Variants in RIMS2 observed in about 807,000 individuals in gnomAD.
The protein encoded by RIMS2 is regulating synaptic membrane exocytosis 2, also known as regulating synaptic membrane exocytosis protein 2.
Under a neutral mutation model 174.4 loss-of-function variants are expected in RIMS2, and 59 were observed. The ratio of observed to expected loss-of-function variants is 0.34; its 90% CI spans 0.27 to 0.42. RIMS2 has a LOEUF of 0.42. Among genes scored for constraint, RIMS2 ranks in the 10% least tolerant of loss-of-function variants. The probability of loss-of-function intolerance (pLI) is 1.00; values close to 1 mark genes in which losing one functional copy is unlikely to be tolerated. For missense variants in RIMS2, 1,620 were observed against 1,666.3 expected, an observed-to-expected ratio of 0.97 and a Z score of 0.48; for synonymous variants, 606 against 572.5, an observed-to-expected ratio of 1.06 and a Z score of -0.84.
chr8:104,253,892 G>T (rs1426499178), downstream of RIMS2: 3 of 151,958 alleles, frequency 2.0e-5, no homozygotes, highest in Non-Finnish European at 4.4e-5. Context: ...CTTTTTATGT[G>T]GTGCAATATG....
chr8:104,108,501 C>T lies in RIMS2; in HGVS notation c.3334+93886C>T, dbSNP rs559485837. On this transcript the variant is annotated intron_variant, in intron 19 of 23. Transcript: ENST00000504942. ...TTTCTGTAGAGATGGGATTTTGCTG[C>T]GTGCCCAGGCTGGTCTCAAACTCCT... is the stretch of plus-strand genomic sequence containing the variant. 1.4e-4 allele frequency among the ~76,000 whole-genome samples: 21 copies of T among 151,938 alleles called. No homozygotes were observed. In the East Asian group the frequency reaches 2.3e-3, roughly 17 times the overall value.
Position 103,989,299 on chromosome 8 carries a change from T to C in RIMS2, c.2928-6T>C. The C allele has an allele frequency of 6.5e-7, 1 of 1,535,942 alleles. No individual in the cohort carries two copies. Among genetic ancestry groups the C allele is most frequent in the Non-Finnish European group, 9.0e-7 (1 of 1,109,802 alleles). ...CTAAGATATTGAATAGATCTTGTTG[T>C]TTTAGTCGGAATGTGGAACAGGGGC... On this transcript the variant is annotated splice_region_variant and splice_polypyrimidine_tract_variant and intron_variant, in intron 16 of 23. Coordinates refer to ENST00000504942, the Ensembl canonical transcript of RIMS2.
At chr8:103,586,555 A>G (rs1447940696) in intron 1 of RIMS2, among the ~76,000 whole-genome samples, 2 of 152,176 alleles carry the variant, frequency 1.3e-5, no homozygotes, top group African/African-American at 2.4e-5. Context: ...ATAAATGATA[A>G]TGGAAACACA....
In RIMS2 at chr8:103,948,527, T is replaced by C. The variant is rs946274048; in HGVS notation, c.2701+5601T>C. Among the ~76,000 whole-genome samples, 8 of 152,266 alleles carry C rather than the reference T, an allele frequency of 5.3e-5. No homozygotes were observed. In the East Asian group the frequency reaches 9.6e-4, roughly 18 times the overall value. On this transcript the variant is annotated intron_variant, in intron 14 of 23. Coordinates refer to ENST00000504942, the Ensembl canonical transcript of RIMS2. ...GATACGGCTACATACTACAATATAG[T>C]CAAACCTCAAAAATATTATGCTAAA...
intron 19 of RIMS2, among the ~76,000 whole-genome samples, chr8:104,162,197 G>A (rs1346572839): frequency 6.6e-6 from 1 of 152,132 alleles, no homozygotes; most frequent in Non-Finnish European, 1.5e-5. Flanking sequence ...AGTAATAGAT[G>A]AAAAGGTAAG....
chr8:104,232,529 G>T (rs746567348), intron 19 of RIMS2, among the ~76,000 whole-genome samples: 1 of 152,146 alleles, frequency 6.6e-6, no homozygotes, highest in Non-Finnish European at 1.5e-5. Flanking sequence ...CTCTAGGAAG[G>T]CTGGAGATTC....
At chr8:103,917,127 TA>T (rs2076761621) in intron 8 of RIMS2, among the ~76,000 whole-genome samples, 1 of 152,178 alleles carries the variant, frequency 6.6e-6, no homozygotes, top group Non-Finnish European at 1.5e-5. Flanking sequence ...GCAAGTGAAT[TA>T]CATTACATGC....
intron 1 of RIMS2, among the ~76,000 whole-genome samples, chr8:103,610,606 G>C (rs961928071): frequency 6.6e-6 from 1 of 151,956 alleles, no homozygotes; most frequent in African/African-American, 2.4e-5. Flanking sequence ...TTTGTTTATA[G>C]TCCTGTTTAT....
chr8:103,589,403 G>T (rs1331338567), intron 1 of RIMS2, among the ~76,000 whole-genome samples: 1 of 151,606 alleles, frequency 6.6e-6, no homozygotes, highest in East Asian at 1.9e-4. Flanking sequence ...AGTTAAAATG[G>T]TTTATATCCA....
rs183682577 is a variant in RIMS2, at chr8:103,812,920, G to A, written c.698+46383G>A. Among the ~76,000 whole-genome samples the A allele has an allele frequency of 7.2e-5, 11 of 152,118 alleles. No homozygotes were observed. In the East Asian group the frequency reaches 1.9e-3, roughly 27 times the overall value. On this transcript the variant is annotated intron_variant, in intron 3 of 23. Coordinates refer to ENST00000504942, the Ensembl canonical transcript of RIMS2. ...TATAGCCTTTAGATTTTTATCAGTC[G>A]GATGCTTCAAGTAGTCAGTAGAACA...
At chr8:103,999,350 GA>G (rs1192715155) in intron 17 of RIMS2, among the ~76,000 whole-genome samples, 2 of 151,612 alleles carry the variant, frequency 1.3e-5, no homozygotes, top group Non-Finnish European at 3.0e-5. Flanking sequence ...AAATATGATT[GA>G]AATTTAGTGC....
chr8:104,220,794 A>G (rs1344982102), intron 19 of RIMS2, among the ~76,000 whole-genome samples: 3 of 151,958 alleles, frequency 2.0e-5, no homozygotes, highest in African/African-American at 7.3e-5. Context: ...TTTTCTGGAG[A>G]TGAGGTTTCA....
intron 19 of RIMS2, among the ~76,000 whole-genome samples, chr8:104,117,571 C>A (rs1416701559): frequency 1.3e-5 from 2 of 152,096 alleles, no homozygotes; most frequent in East Asian, 3.9e-4. Flanking sequence ...GAAATCCTGG[C>A]CTCAAGCAAT....
chr8:103,921,475 G>A (rs911015351), intron 9 of RIMS2, among the ~76,000 whole-genome samples, 197 bp from the exon 13 acceptor site: 1 of 152,136 alleles, frequency 6.6e-6, no homozygotes, highest in South Asian at 2.1e-4. Flanking sequence ...TTAGTCTTAA[G>A]AGAATCCCTA....
In RIMS2 at chr8:103,765,040, A is replaced by C. The variant is rs80032605; in HGVS notation, c.388-1187A>C. Among the ~76,000 whole-genome samples the C allele has an allele frequency of 2.0e-5, 3 of 152,152 alleles. No individual in the cohort carries two copies. In the East Asian group the frequency reaches 5.8e-4, roughly 29 times the overall value. ...AATCTACATGGTATTTTACAAAAACATTTTTGTGTCAGTTGAAAATGCCAT... is the reference window on the plus strand; with the variant it reads ...AATCTACATGGTATTTTACAAAAACCTTTTTGTGTCAGTTGAAAATGCCAT... On this transcript the variant is annotated intron_variant, in intron 2 of 23. Transcript: ENST00000504942.
chr8:104,168,355 T>C (rs964973084), intron 19 of RIMS2, among the ~76,000 whole-genome samples: 4 of 152,146 alleles, frequency 2.6e-5, no homozygotes, highest in Admixed American at 1.3e-4. Flanking sequence ...CGTTTTGTAG[T>C]TTTCCTTGTA....
At chr8:103,989,448 C>T in intron 17 of RIMS2, 27 bp downstream of exon 19, 1 of 1,155,936 alleles carries the variant, frequency 8.7e-7, no homozygotes, top group Non-Finnish European at 1.3e-6. Context: ...ACTATTAGAC[C>T]TTATTATTAA....
chr8:103,870,256 A>G (rs370788621), intron 3 of RIMS2, among the ~76,000 whole-genome samples: 17 of 151,940 alleles, frequency 1.1e-4, no homozygotes, highest in African/African-American at 3.9e-4. Flanking sequence ...GGATGATAAT[A>G]ATAGTACTTC....
At chr8:104,199,187 G>A (rs979179999) in intron 19 of RIMS2, among the ~76,000 whole-genome samples, 14 of 151,866 alleles carry the variant, frequency 9.2e-5, no homozygotes, top group Admixed American at 2.6e-4. Context: ...TCAGCCTCCC[G>A]AGTAGCTGGG....
Sources: allele counts gnomAD v4.1 joint callset (sites outside exome capture counted in the v4.1 genomes callset), GRCh38; gene constraint gnomAD v4.1.1; transcripts MANE v1.5; gene names NCBI Gene and HGNC (gene_info 2026-07-23, HGNC 2026-07-21).